GAPVD1: variants seen among roughly 807,000 people sequenced by gnomAD.
The protein encoded by GAPVD1 is GTPase activating protein and VPS9 domains 1, also known as GTPase-activating protein and VPS9 domain-containing protein 1.
A neutral mutation model predicts 155.5 loss-of-function variants in GAPVD1; 35 were observed. The observed-to-expected ratio is 0.23, with a 90% confidence interval of 0.17 to 0.30. The LOEUF (loss-of-function observed/expected upper bound fraction) is 0.30, where lower values mean the gene tolerates loss of function less well. Among genes scored for constraint, GAPVD1 ranks in the 10% least tolerant of loss-of-function variants. The pLI, the probability that GAPVD1 is intolerant of heterozygous loss-of-function variation, is 1.00. For missense variants in GAPVD1, 1,429 were observed against 1,775.7 expected (o/e 0.80, Z 3.51); for synonymous variants, 636 against 619.7 (o/e 1.03, Z -0.39).
At chr9:125,327,289 A>G (rs1845327930) in intron 12 of GAPVD1, among the ~76,000 whole-genome samples, 1 of 152,110 alleles carries the variant, frequency 6.6e-6, no homozygotes, top group Non-Finnish European at 1.5e-5. Flanking sequence ...AAAGATATAT[A>G]GTCTTGTAAC....
chr9:125,283,371 T>C (rs1467193235), intron 2 of GAPVD1, among the ~76,000 whole-genome samples: 1 of 151,186 alleles, frequency 6.6e-6, no homozygotes, highest in African/African-American at 2.4e-5. Context: ...TTATTTTTAT[T>C]TTTTAGACAG....
intron 1 of GAPVD1, among the ~76,000 whole-genome samples, chr9:125,263,216 G>T (rs1378204511): frequency 6.6e-6 from 1 of 152,208 alleles, no homozygotes; most frequent in Non-Finnish European, 1.5e-5. Flanking sequence ...TTGGGAGGCC[G>T]AGGCGGGCGG....
intron 2 of GAPVD1, among the ~76,000 whole-genome samples, chr9:125,290,728 C>G (rs140536357): frequency 3.9e-5 from 6 of 152,168 alleles, no homozygotes; most frequent in African/African-American, 9.6e-5. Flanking sequence ...GTGATAATAG[C>G]CAGACATGGT....
intron 17 of GAPVD1, among the ~76,000 whole-genome samples, chr9:125,337,803 CTT>C (rs1847253148): frequency 6.6e-6 from 1 of 152,160 alleles, no homozygotes; most frequent in Non-Finnish European, 1.5e-5. Flanking sequence ...TTTTATGACA[CTT>C]TTAGTTTCTC....
intron 15 of GAPVD1, among the ~76,000 whole-genome samples, chr9:125,334,258 T>C (rs1040640839): frequency 6.0e-5 from 9 of 149,928 alleles, no homozygotes; most frequent in South Asian, 2.1e-4. Context: ...CACTGTATTC[T>C]TCACTCACAG....
At chr9:125,296,850 G>C (rs532256035) in intron 3 of GAPVD1, among the ~76,000 whole-genome samples, 1 of 150,014 alleles carries the variant, frequency 6.7e-6, no homozygotes, top group Non-Finnish European at 1.5e-5. Context: ...AGTAGAGACA[G>C]GGTCTCACCA....
At chr9:125,305,005 C>T (rs143924310) in intron 5 of GAPVD1, 58 bp from the exon 6 acceptor site, 18 of 1,071,134 alleles carry the variant, frequency 1.7e-5, no homozygotes, top group East Asian at 7.1e-5. Context: ...TTCATAGAGA[C>T]GTATTTGTGA....
intron 2 of GAPVD1, among the ~76,000 whole-genome samples, chr9:125,282,435 C>T (rs171473): frequency 0.011 from 1,735 of 152,338 alleles, 28 homozygotes; most frequent in African/African-American, 0.04. Context: ...CCACTCCTGG[C>T]CTGATAGTCG....
At chr9:125,360,761 T>C (rs758238692) in intron 27 of GAPVD1, 36 bp downstream of exon 27, 1 of 1,532,114 alleles carries the variant, frequency 6.5e-7, no homozygotes, top group South Asian at 1.1e-5. Flanking sequence ...AGGAGTTATG[T>C]GGCATTCTGA....
intron 3 of GAPVD1, among the ~76,000 whole-genome samples, chr9:125,298,507 T>TTG (rs1840249422): frequency 7.4e-6 from 1 of 135,610 alleles, no homozygotes; most frequent in East Asian, 2.1e-4. Flanking sequence ...TTTTTTTTTT[T>TTG]GAGAACGATT....
rs573963352 is a variant in GAPVD1, at chr9:125,292,735, A to G, written c.-149-2723A>G. 3.9e-5 allele frequency among the ~76,000 whole-genome samples: 6 copies of G among 152,094 alleles called. No homozygotes were observed. The South Asian group carries it at 1.2e-3, about 32-fold the overall frequency. On this transcript the variant is annotated intron_variant, in intron 2 of 27. Transcript: ENST00000297933. The stretch of plus-strand genomic sequence containing the variant: ...GGGGTTGGCAGTAAGGGCTGAGGGA[A>G]TGGAGAGGAGAAGATCTTCTTGCCA...
rs766799197 is a variant in GAPVD1, at chr9:125,355,816, C to A, written c.3930C>A (p.Leu1310=). The change falls in exon 25 of 28, where the codon CTC becomes CTA. Residue 1310 remains leucine, a synonymous_variant. Coordinates refer to ENST00000297933, the MANE Select transcript of GAPVD1 (RefSeq NM_001282680.3). The stretch of plus-strand genomic sequence containing the variant: ...GCGTGATGAACCGGATTTTCAAGCT[C>A]GCCTTCTACCCTAATCAAGATGGGG... ...ERSVMNRIFK[L]AFYPNQDGDI... 1 of 1,611,792 alleles carries A rather than the reference C, an allele frequency of 6.2e-7. No individual in the cohort carries two copies. Among genetic ancestry groups the A allele is most frequent in the Non-Finnish European group, 8.5e-7 (1 of 1,177,912 alleles).
chr9:125,332,127 A>G, intron 14 of GAPVD1, 67 bp downstream of exon 14: 1 of 1,414,382 alleles, frequency 7.1e-7, no homozygotes. Flanking sequence ...TCCTATTTAT[A>G]AAGTTGATAC....
chr9:125,307,603 CA>C, intron 7 of GAPVD1, 56 bp downstream of exon 7: 1 of 1,563,820 alleles, frequency 6.4e-7, no homozygotes, highest in South Asian at 1.1e-5. Flanking sequence ...TAAGCGTGAG[CA>C]AAAACATACA....
intron 2 of GAPVD1, among the ~76,000 whole-genome samples, chr9:125,294,230 A>G (rs898111416): frequency 6.0e-5 from 9 of 150,810 alleles, no homozygotes; most frequent in African/African-American, 2.2e-4. Flanking sequence ...TAGTAGAGAC[A>G]GGGTTTCACA....
intron 19 of GAPVD1, among the ~76,000 whole-genome samples, chr9:125,345,179 C>CTT (rs763783005): frequency 2.8e-5 from 4 of 143,872 alleles, no homozygotes; most frequent in Non-Finnish European, 1.5e-5. Flanking sequence ...TTCTCTCTCT[C>CTT]TTTTTTTTTT....
intron 27 of GAPVD1, among the ~76,000 whole-genome samples, chr9:125,361,250 A>C (rs1850867883): frequency 6.6e-6 from 1 of 151,548 alleles, no homozygotes. Context: ...GCTAAAAAGC[A>C]GTGCCTAGGT....
chr9:125,360,368 A>G (rs577170717), intron 26 of GAPVD1, among the ~76,000 whole-genome samples, 160 bp from the exon 27 acceptor site: 5 of 152,336 alleles, frequency 3.3e-5, no homozygotes, highest in African/African-American at 1.2e-4. Flanking sequence ...CTAAAGTTAC[A>G]ATCTTTAGTG....
At chr9:125,324,317 C>CCGGTGG (rs1330554376) in intron 11 of GAPVD1, among the ~76,000 whole-genome samples, 2 of 151,998 alleles carry the variant, frequency 1.3e-5, no homozygotes, top group East Asian at 3.9e-4. Flanking sequence ...GCTGCTGGGC[C>CCGGTGG]CGGTGGCTCA....
Sources: allele counts gnomAD v4.1 joint callset (sites outside exome capture counted in the v4.1 genomes callset), GRCh38; gene constraint gnomAD v4.1.1; transcripts MANE v1.5; gene names NCBI Gene and HGNC (gene_info 2026-07-23, HGNC 2026-07-21).